The following C2 variants were observed in gnomAD, a reference collection of about 807,000 sequenced individuals.
C2 encodes the protein complement C2, also known as C3/C5 convertase.
C2 carries 64 observed loss-of-function variants against 85.2 expected under a neutral mutation model. That is an observed-to-expected ratio of 0.75 (90% CI 0.61 to 0.92). C2 has a LOEUF of 0.92. Among genes scored for constraint, C2 ranks in the 40% least tolerant of loss-of-function variants. The probability of loss-of-function intolerance (pLI) is 0.00; values close to 1 mark genes in which losing one functional copy is unlikely to be tolerated. For missense variants in C2, 820 were observed against 971.6 expected, an observed-to-expected ratio of 0.84 and a Z score of 2.07; for synonymous variants, 311 against 370.8, an observed-to-expected ratio of 0.84 and a Z score of 1.85.
At position 31,906,526 on chromosome 6, in the gene C2, T is replaced by C. The variant is rs148083749; in HGVS notation, c.73+5387T>C. Among the ~76,000 whole-genome samples the C allele has an allele frequency of 7.8e-4, 119 of 152,092 alleles. 2 individuals carry two copies. The highest frequency in any genetic ancestry group is 3.4e-3 in the Middle Eastern group (1 of 294). ...CTGACTCTGCCCAGATCCAGGTCTATCTGGGGAAATGGAGGCAGATTCTCC... is the reference window on the plus strand; with the variant it reads ...CTGACTCTGCCCAGATCCAGGTCTACCTGGGGAAATGGAGGCAGATTCTCC... On this transcript the variant is annotated intron_variant, in intron 1 of 3. Coordinates refer to the C2 transcript ENST00000452202.
Position 31,935,586 on chromosome 6 carries a change from C to T in C2, c.850-337C>T, listed in dbSNP as rs182981220. On this transcript the variant is annotated intron_variant, in intron 6 of 17. Transcript: ENST00000299367. The surrounding 1 kb of genome is among the most constrained non-coding windows in gnomAD (Gnocchi z 4.3). ...CTGGGTTCAAGTGATTCTTCTGCCT[C>T]AGCCTCCTGAGTAGCTGGGATTATA... is the stretch of plus-strand genomic sequence containing the variant. 6.6e-6 allele frequency among the ~76,000 whole-genome samples: 1 copy of T among 152,216 alleles called. No individual in the cohort carries two copies. Among genetic ancestry groups the T allele is most frequent in the East Asian group, 1.9e-4 (1 of 5,184 alleles).
upstream of C2, among the ~76,000 whole-genome samples, chr6:31,917,677 A>G (rs568997644): frequency 2.0e-5 from 3 of 151,930 alleles, no homozygotes; most frequent in South Asian, 6.2e-4. Flanking sequence ...AGGCTGAGGT[A>G]GGCGGATCAC....
At chr6:31,898,843 C>G (rs1766925746), upstream of C2, among the ~76,000 whole-genome samples, 1 of 151,896 alleles carries the variant, frequency 6.6e-6, no homozygotes, top group Non-Finnish European at 1.5e-5. Context: ...AGGTACCTGG[C>G]TAAGTGTTGA....
Position 31,943,564 on chromosome 6 carries a change from G to A in C2, c.1567+37G>A, listed in dbSNP as rs756182003. The A allele has an allele frequency of 1.4e-5, 22 of 1,605,516 alleles. No individual in the cohort carries two copies. Among genetic ancestry groups the A allele is most frequent in the Non-Finnish European group, 1.8e-5 (21 of 1,174,900 alleles). Reference sequence around the variant, plus strand: ...GATGCACCAGCCTCCTGATCCTGAAGCCACAGATCCTACCACCTCACCCAG... The same window carrying A: ...GATGCACCAGCCTCCTGATCCTGAAACCACAGATCCTACCACCTCACCCAG... On this transcript the variant is annotated intron_variant, in intron 12 of 17. Transcript: ENST00000299367. The surrounding 1 kb of genome is among the most constrained non-coding windows in gnomAD (Gnocchi z 6.4).
chr6:31,900,768 C>T, upstream of C2: 2 of 1,577,972 alleles, frequency 1.3e-6, no homozygotes, highest in Non-Finnish European at 1.7e-6. The surrounding 1 kb of genome is among the most constrained non-coding windows in gnomAD (Gnocchi z 9.7). Flanking sequence ...TCCAGCTTCA[C>T]TGGCCGCAGG....
intron 9 of C2, 93 bp downstream of exon 9, chr6:31,939,413 G>A: frequency 1.0e-6 from 1 of 987,598 alleles, no homozygotes; most frequent in South Asian, 1.3e-5. Flanking sequence ...CTATGGTCCA[G>A]AGCCACATGG....
upstream of C2, chr6:31,900,960 C>G (rs763457937): frequency 6.2e-7 from 1 of 1,614,220 alleles, no homozygotes; most frequent in Non-Finnish European, 8.5e-7. The surrounding 1 kb of genome is among the most constrained non-coding windows in gnomAD (Gnocchi z 9.7). Flanking sequence ...CATTTCTCCA[C>G]CACGTGCTCC....
At chr6:31,897,785 C>A, upstream of C2, 1 of 978,654 alleles carries the variant, frequency 1.0e-6, no homozygotes, top group Middle Eastern at 3.2e-4. Flanking sequence ...GCTTTTTGGC[C>A]ATTTTCCCCT....
At chr6:31,900,274 G>A, upstream of C2, 1 of 1,613,382 alleles carries the variant, frequency 6.2e-7, no homozygotes, top group Non-Finnish European at 8.5e-7. The surrounding 1 kb of genome is among the most constrained non-coding windows in gnomAD (Gnocchi z 9.7). Context: ...GCTTCTCCAC[G>A]CCCTGGAACA....
Position 31,920,686 on chromosome 6 carries a change from G to A in C2, c.-100+660G>A, listed in dbSNP as rs1379768989. ...CTCAGAGGGCTGAGGTAAGAGCTGCGGTGTGGGCAGATGGACACCCTGGTA... is the reference window on the plus strand; with the variant it reads ...CTCAGAGGGCTGAGGTAAGAGCTGCAGTGTGGGCAGATGGACACCCTGGTA... On this transcript the variant is annotated intron_variant, in intron 1 of 3. Transcript: ENST00000413154. The surrounding 1 kb of genome is among the most constrained non-coding windows in gnomAD (Gnocchi z 5.6). Among the ~76,000 whole-genome samples, 2 of 152,178 alleles carry A rather than the reference G, an allele frequency of 1.3e-5. No homozygotes were observed. Among genetic ancestry groups the A allele is most frequent in the Non-Finnish European group, 1.5e-5 (1 of 68,036 alleles).
rs758966628 is a variant in C2, at chr6:31,927,717, G to T, written c.-36G>T. 1.2e-6 allele frequency: 2 copies of T among 1,612,812 alleles called. No homozygotes were observed. The highest frequency in any genetic ancestry group is 1.7e-5 in the Admixed American group (1 of 60,012). ...AGTCAGATGACCTTTTCCCTCCCGC[G>T]GCTCTCTACCTCTCGCCGCCCCTAG... On this transcript the variant is annotated 5_prime_UTR_variant, in exon 1 of 18. Coordinates refer to ENST00000299367, the MANE Select transcript of C2 (RefSeq NM_000063.6). This position sits in a 1 kb window ranked among gnomAD's most constrained non-coding sequence, Gnocchi z 4.7.
At position 31,943,615 on chromosome 6, in the gene C2, T is replaced by C. The variant is rs748114120; in HGVS notation, c.1568-29T>C. 3.7e-6 allele frequency: 6 copies of C among 1,612,506 alleles called. No individual in the cohort carries two copies. The African/African-American group carries it at 5.3e-5, about 14-fold the overall frequency. The stretch of plus-strand genomic sequence containing the variant: ...CCTCTGGCCCCTGCAGGAGCCCTGG[T>C]CTAGCCTAATCTAGTGTATCATTTC... On this transcript the variant is annotated intron_variant, in intron 12 of 17. Transcript: ENST00000299367. The surrounding 1 kb of genome is among the most constrained non-coding windows in gnomAD (Gnocchi z 6.4).
At position 31,932,535 on chromosome 6, in the gene C2, G is replaced by A. The variant is rs41290359; in HGVS notation, c.443-1075G>A. 699 of 198,192 alleles carry A rather than the reference G, an allele frequency of 3.5e-3. 5 individuals carry two copies. The highest frequency in any genetic ancestry group is 4.8e-3 in the Non-Finnish European group (449 of 93,526). The allele number at this position is 198,192 out of a possible 1,614,324, so 12.3% of individuals were successfully genotyped here. ...AGACGATGGGCGGCAGGGCAGAGAC[G>A]CTCCTCACTTCCCAGATGTGATGGC... is the stretch of plus-strand genomic sequence containing the variant. On this transcript the variant is annotated intron_variant, in intron 3 of 17. Coordinates refer to ENST00000299367, the MANE Select transcript of C2 (RefSeq NM_000063.6).
At chr6:31,902,849 G>C (rs1179424846) in intron 1 of C2, among the ~76,000 whole-genome samples, 1 of 152,028 alleles carries the variant, frequency 6.6e-6, no homozygotes, top group Non-Finnish European at 1.5e-5. Context: ...TTCACCTTTA[G>C]TATATAATTA....
chr6:31,923,020 G>A (rs1025212588), upstream of C2, among the ~76,000 whole-genome samples: 1 of 152,282 alleles, frequency 6.6e-6, no homozygotes, highest in Middle Eastern at 3.4e-3. Flanking sequence ...GGAGAGGCAT[G>A]TCTGTTTTTT....
chr6:31,942,968 C>T lies in C2; in HGVS notation c.1229C>T (p.Ala410Val). The change falls in exon 10 of 18, where the codon GCC becomes GTC. Residue 410 changes from alanine (A) to valine (V), a missense_variant. Ala to Val is a moderately conservative substitution (Grantham distance 64, BLOSUM62 0). Transcript: ENST00000299367. ...CCCTCTTCCCCACCAGACATCTATG[C>T]CATCGGGGTGGGCAAGCTGGATGTG... ...QKRNDYLDIY[A>V]IGVGKLDVDW... 6.2e-7 allele frequency: 1 copy of T among 1,613,048 alleles called. No individual in the cohort carries two copies. The highest frequency in any genetic ancestry group is 8.5e-7 in the Non-Finnish European group (1 of 1,180,032).
chr6:31,935,778 C>A lies in C2; in HGVS notation c.850-145C>A. 1.1e-6 allele frequency: 1 copy of A among 885,972 alleles called. No individual in the cohort carries two copies. The highest frequency in any genetic ancestry group is 1.8e-6 in the Non-Finnish European group (1 of 540,792). 54.9% of individuals were successfully genotyped at this position (885,972 alleles called of 1,614,324 possible). On this transcript the variant is annotated intron_variant, in intron 6 of 17. Coordinates refer to ENST00000299367, the MANE Select transcript of C2 (RefSeq NM_000063.6). The surrounding 1 kb of genome is among the most constrained non-coding windows in gnomAD (Gnocchi z 4.3). ...CCAGCCCCTAGCTTCTTCCTAACAGCCATTTCCTAGTGTCTCCCCTGGTCC... is the reference window on the plus strand; with the variant it reads ...CCAGCCCCTAGCTTCTTCCTAACAGACATTTCCTAGTGTCTCCCCTGGTCC...
At chr6:31,932,768 T>C (rs1016038081) in intron 3 of C2, among the ~76,000 whole-genome samples, 4 of 152,188 alleles carry the variant, frequency 2.6e-5, no homozygotes, top group African/African-American at 9.6e-5. Flanking sequence ...GGCAGGCTGC[T>C]GGGAGGTGGA....
chr6:31,912,454 C>G (rs952257132), intron 1 of C2, among the ~76,000 whole-genome samples: 2 of 152,202 alleles, frequency 1.3e-5, no homozygotes, highest in South Asian at 2.1e-4. Context: ...AACCCTCACT[C>G]CTTTCCTGTC....
Sources: gnomAD v4.1 joint callset for allele counts (sites outside exome capture counted in the v4.1 genomes callset) on GRCh38, gnomAD v4.1.1 for gene constraint, Gnocchi (gnomAD v3.1) non-coding constraint, MANE v1.5 for transcripts, NCBI Gene and HGNC (gene_info 2026-07-23, HGNC 2026-07-21) for gene names.